NCKAP5: variants seen among roughly 807,000 people sequenced by gnomAD.
NCKAP5 encodes nck-associated protein 5.
In NCKAP5, 92 loss-of-function variants were observed where a neutral mutation model predicts 167.0. That is an observed-to-expected ratio of 0.55 (90% CI 0.47 to 0.66). The LOEUF (loss-of-function observed/expected upper bound fraction) is 0.66. Ranked by LOEUF, NCKAP5 falls within the 30% of genes least tolerant of loss-of-function variation. The probability of loss-of-function intolerance (pLI) is 0.00; values close to 1 mark genes in which losing one functional copy is unlikely to be tolerated. For missense variants in NCKAP5, 2,378 were observed against 2,315.0 expected (o/e 1.03, Z -0.56); for synonymous variants, 891 against 877.4 (o/e 1.02, Z -0.27).
intron 11 of NCKAP5, among the ~76,000 whole-genome samples, chr2:132,799,141 A>C (rs181865114): frequency 1.7e-4 from 26 of 152,296 alleles, no homozygotes; most frequent in Non-Finnish European, 3.4e-4. Context: ...ATGTGAATTA[A>C]TTCAGAAATA....
intron 16 of NCKAP5, among the ~76,000 whole-genome samples, chr2:132,759,925 A>G (rs982993220): frequency 2.6e-5 from 4 of 151,410 alleles, no homozygotes; most frequent in Middle Eastern, 3.4e-3. Context: ...CCTCCTTACT[A>G]TTTAACTTTC....
intron 2 of NCKAP5, among the ~76,000 whole-genome samples, chr2:133,538,160 C>G (rs1388150284): frequency 2.0e-5 from 3 of 152,158 alleles, no homozygotes; most frequent in Non-Finnish European, 4.4e-5. Flanking sequence ...CCATGCAAAC[C>G]CTTTTGAAGG....
At chr2:132,725,382 T>C (rs966207861) in intron 19 of NCKAP5, among the ~76,000 whole-genome samples, 2 of 152,226 alleles carry the variant, frequency 1.3e-5, no homozygotes, top group Non-Finnish European at 2.9e-5. Context: ...GGAGGCTGTT[T>C]TAGACATGCT....
intron 6 of NCKAP5, among the ~76,000 whole-genome samples, chr2:133,019,309 TAATC>T (rs1465854218): frequency 2.6e-5 from 4 of 152,138 alleles, no homozygotes; most frequent in African/African-American, 9.7e-5. Flanking sequence ...AAGCGAAAAT[TAATC>T]AATAGGGTAT....
chr2:133,601,759 AC>A, the NCKAP5 span, among the ~76,000 whole-genome samples: 1 of 151,910 alleles, frequency 6.6e-6, no homozygotes, highest in African/African-American at 2.4e-5. Flanking sequence ...AAATAAATAA[AC>A]TCTACCTTGA....
In NCKAP5 at chr2:132,731,833, C is replaced by T. The variant is rs376214006; in HGVS notation, c.5347G>A (p.Ala1783Thr). The change falls in exon 17 of 20, where the codon GCA (alanine) becomes ACA (threonine). Residue 1783 changes from alanine to threonine, a missense_variant. Ala to Thr is a moderately conservative substitution (Grantham distance 58). Transcript: ENST00000409261. ...VPSSTDGQRP[A>T]DSAIVHSTSD... ...GTGGAATGAACAATGGCGCTATCTGCAGGGCGCTGGCCGTCTGTGGAGGAA... is the reference window on the plus strand; with the variant it reads ...GTGGAATGAACAATGGCGCTATCTGTAGGGCGCTGGCCGTCTGTGGAGGAA... 1 of 1,613,902 alleles carries T rather than the reference C, an allele frequency of 6.2e-7. No individual in the cohort carries two copies. The highest frequency in any genetic ancestry group is 1.1e-5 in the South Asian group (1 of 91,066).
chr2:133,011,673 T>C (rs2078165534), intron 6 of NCKAP5, among the ~76,000 whole-genome samples: 1 of 152,228 alleles, frequency 6.6e-6, no homozygotes, highest in Non-Finnish European at 1.5e-5. Context: ...CACACAGCAG[T>C]TAATAAGCAT....
chr2:132,964,774 T>G (rs1393362095), intron 7 of NCKAP5, among the ~76,000 whole-genome samples: 3 of 152,154 alleles, frequency 2.0e-5, no homozygotes, highest in African/African-American at 7.2e-5. Flanking sequence ...GGTAAAAGAC[T>G]TCTCTATATT....
At chr2:132,694,103 T>TTTTTTTTATTTA (rs1553473342) in intron 19 of NCKAP5, among the ~76,000 whole-genome samples, 2,503 of 147,008 alleles carry the variant, frequency 0.017, 27 homozygotes, top group Middle Eastern at 0.046. Context: ...GTTTTAAGTG[T>TTTTTTTTATTTA]TTTATTTATT....
intron 4 of NCKAP5, among the ~76,000 whole-genome samples, chr2:133,297,166 A>AGTGTGT (rs60321858): frequency 0.023 from 3,279 of 142,118 alleles, 50 homozygotes; most frequent in South Asian, 0.041. Flanking sequence ...AGGTTGTCAC[A>AGTGTGT]GTGTGTGTGT....
intron 19 of NCKAP5, among the ~76,000 whole-genome samples, chr2:132,704,909 C>T (rs1688212037): frequency 6.6e-6 from 1 of 152,144 alleles, no homozygotes; most frequent in Non-Finnish European, 1.5e-5. Flanking sequence ...TTGATAAGAT[C>T]CTGATAAGTT....
the NCKAP5 span, among the ~76,000 whole-genome samples, chr2:133,622,960 C>A: frequency 1.3e-5 from 2 of 151,132 alleles, no homozygotes; most frequent in African/African-American, 4.9e-5. Flanking sequence ...GGCACATAGA[C>A]CAATGCAACA....
At position 133,321,033 on chromosome 2, in the gene NCKAP5, C is replaced by T. The variant is rs758006087; in HGVS notation, c.70-17923G>A. 3.9e-5 allele frequency among the ~76,000 whole-genome samples: 6 copies of T among 152,290 alleles called. No homozygotes were observed. The East Asian group carries it at 5.8e-4, about 15-fold the overall frequency. ...GCAGACTAGCCCTAACCCCAGGAGT[C>T]GTGTATGCTCATCTGCTATCCACTA... is the stretch of plus-strand genomic sequence containing the variant. On this transcript the variant is annotated intron_variant, in intron 3 of 19. Coordinates refer to ENST00000409261, the MANE Select transcript of NCKAP5 (RefSeq NM_207363.3).
intron 16 of NCKAP5, among the ~76,000 whole-genome samples, chr2:132,737,924 C>T (rs1347387510): frequency 6.6e-6 from 1 of 152,182 alleles, no homozygotes; most frequent in Non-Finnish European, 1.5e-5. Flanking sequence ...TTATACTTCC[C>T]AGGCGTCTGA....
intron 3 of NCKAP5, among the ~76,000 whole-genome samples, chr2:133,394,250 T>G (rs1291053492): frequency 6.6e-6 from 1 of 152,234 alleles, no homozygotes; most frequent in Non-Finnish European, 1.5e-5. Flanking sequence ...GTCCTTGCCC[T>G]TGAAGTGTTT....
At chr2:132,919,136 AT>A (rs1313580915) in intron 8 of NCKAP5, among the ~76,000 whole-genome samples, 3 of 152,206 alleles carry the variant, frequency 2.0e-5, no homozygotes, top group African/African-American at 7.2e-5. Context: ...AGCAAAGTGG[AT>A]TTGCAGTGAC....
intron 19 of NCKAP5, among the ~76,000 whole-genome samples, chr2:132,679,414 CTCCT>C (rs1337479699): frequency 6.6e-6 from 1 of 152,122 alleles, no homozygotes; most frequent in Non-Finnish European, 1.5e-5. Context: ...CCCTAGGAAG[CTCCT>C]TCCATGTTTT....
chr2:133,164,107 C>T (rs1232555166), intron 5 of NCKAP5, among the ~76,000 whole-genome samples: 1 of 152,118 alleles, frequency 6.6e-6, no homozygotes, highest in African/African-American at 2.4e-5. Flanking sequence ...GGCGAGAAGT[C>T]AATTTTCAAA....
intron 16 of NCKAP5, among the ~76,000 whole-genome samples, chr2:132,757,145 G>T (rs548290383): frequency 5.3e-5 from 8 of 152,272 alleles, no homozygotes; most frequent in Admixed American, 2.0e-4. Context: ...CAAGAAAGTG[G>T]CAAAGCAAAG....
Sources: allele counts gnomAD v4.1 joint callset (sites outside exome capture counted in the v4.1 genomes callset), GRCh38; gene constraint gnomAD v4.1.1; transcripts MANE v1.5; gene names NCBI Gene and HGNC (gene_info 2026-07-23, HGNC 2026-07-21).